LRP12: variants seen among roughly 807,000 people sequenced by gnomAD.
The protein encoded by LRP12 is low-density lipoprotein receptor-related protein 12.
Under a neutral mutation model 66.0 loss-of-function variants are expected in LRP12, and 14 were observed. The ratio of observed to expected loss-of-function variants is 0.21; its 90% CI spans 0.14 to 0.33. LRP12 has a LOEUF of 0.33. Ranked by LOEUF, LRP12 falls within the 10% of genes least tolerant of loss-of-function variation. The pLI is 1.00. For missense variants in LRP12, 889 were observed against 1,053.4 expected, an observed-to-expected ratio of 0.84 and a Z score of 2.16; for synonymous variants, 357 against 359.1, an observed-to-expected ratio of 0.99 and a Z score of 0.07.
At chr8:104,548,859 G>T (rs541120150) in intron 1 of LRP12, among the ~76,000 whole-genome samples, 3 of 151,462 alleles carry the variant, frequency 2.0e-5, no homozygotes, top group African/African-American at 4.9e-5. Flanking sequence ...CAAGAGAATC[G>T]CTTGAATTCA....
intron 1 of LRP12, among the ~76,000 whole-genome samples, chr8:104,548,323 A>T (rs187862725): frequency 1.2e-4 from 2 of 16,648 alleles, no homozygotes; most frequent in African/African-American, 4.6e-4. Flanking sequence ...ATAAATATAT[A>T]ATATATATTA....
rs140650766 is a variant in LRP12, at chr8:104,497,263, G to C, written c.1289C>G (p.Ser430Cys). 62 of 1,614,024 alleles carry C rather than the reference G, an allele frequency of 3.8e-5. No homozygotes were observed. Among genetic ancestry groups the C allele is most frequent in the Non-Finnish European group, 5.2e-5 (61 of 1,180,044 alleles). ...ATGATTCTGGTAGTTGCAGCGATCA[G>C]AACGAGGATAACAGACACCATTTCG... ...CSRNGVCYPR[S>C]DRCNYQNHCP... Residue 430 changes from serine to cysteine, a missense_variant, in exon 5 of 7, where the codon TCT (serine) becomes TGT (cysteine). Physicochemically the swap from Ser to Cys is moderately radical, Grantham distance 112 (BLOSUM62 -1). Transcript: ENST00000276654. The surrounding 1 kb of genome is among the most constrained non-coding windows in gnomAD (Gnocchi z 4.3).
intron 1 of LRP12, among the ~76,000 whole-genome samples, chr8:104,571,120 G>T (rs180865460): frequency 2.0e-5 from 3 of 152,312 alleles, no homozygotes; most frequent in African/African-American, 7.2e-5. Flanking sequence ...TAGTCAGAAT[G>T]CAAACTGATA....
intron 1 of LRP12, among the ~76,000 whole-genome samples, chr8:104,557,529 TAA>T (rs530034124): frequency 1.5e-5 from 2 of 134,316 alleles, no homozygotes; most frequent in Non-Finnish European, 3.3e-5. Context: ...TTGCAATAGC[TAA>T]AAAAAAAAAA....
At chr8:104,537,102 A>G (rs369841095) in intron 1 of LRP12, among the ~76,000 whole-genome samples, 75 of 150,942 alleles carry the variant, frequency 5.0e-4, no homozygotes, top group African/African-American at 1.7e-3. Flanking sequence ...GCAACAGGCA[A>G]TGTAAGACTG....
chr8:104,491,589 A>G (rs1219339732), intron 6 of LRP12, 50 bp from the exon 7 acceptor site: 1 of 1,037,798 alleles, frequency 9.6e-7, no homozygotes, highest in Non-Finnish European at 1.3e-6. Flanking sequence ...AGGTACTAAG[A>G]TAAAAAAAAA....
chr8:104,565,434 A>G (rs1811982561), intron 1 of LRP12, among the ~76,000 whole-genome samples: 1 of 152,240 alleles, frequency 6.6e-6, no homozygotes, highest in Admixed American at 6.5e-5. Context: ...TAAAAGTTAC[A>G]AAAGGATAAA....
intron 2 of LRP12, among the ~76,000 whole-genome samples, 196 bp from the exon 3 acceptor site, chr8:104,509,270 T>C (rs1810957788): frequency 6.6e-6 from 1 of 152,256 alleles, no homozygotes; most frequent in South Asian, 2.1e-4. Context: ...AAGTCCCTTA[T>C]TCCAATAAAA....
At chr8:104,577,703 C>T (rs893580734) in intron 1 of LRP12, among the ~76,000 whole-genome samples, 22 of 147,020 alleles carry the variant, frequency 1.5e-4, no homozygotes, top group African/African-American at 4.0e-4. Context: ...CTCAGCTACT[C>T]GGGAGGGGGA....
rs770159236 is a variant in LRP12, at chr8:104,490,868, A to C, written c.2385T>G (p.Leu795=). ...DFDVNDCSRP[L]LDLASDQGQG... ...GTCCTTGATCTGAGGCAAGATCAAG[A>C]AGAGGTCTGGAGCAGTCATTCACAT... is the stretch of plus-strand genomic sequence containing the variant. Residue 795 remains leucine, a synonymous_variant, in exon 7 of 7, where the codon CTT becomes CTG. Transcript: ENST00000276654. The C allele has an allele frequency of 2.5e-6, 4 of 1,613,970 alleles. No individual in the cohort carries two copies. In the African/African-American group the frequency reaches 4.0e-5, roughly 16 times the overall value.
intron 2 of LRP12, among the ~76,000 whole-genome samples, chr8:104,524,208 C>T (rs1471450464): frequency 7.1e-6 from 1 of 140,724 alleles, no homozygotes; most frequent in Non-Finnish European, 1.5e-5. Flanking sequence ...TGCCGCTGCA[C>T]TCCAGCCTGG....
At chr8:104,521,584 A>T (rs962681882) in intron 2 of LRP12, among the ~76,000 whole-genome samples, 1 of 151,370 alleles carries the variant, frequency 6.6e-6, no homozygotes, top group Non-Finnish European at 1.5e-5. Context: ...TGACTTTAAA[A>T]ATTATTAGCA....
chr8:104,574,043 T>C (rs1812122877), intron 1 of LRP12, among the ~76,000 whole-genome samples: 1 of 152,172 alleles, frequency 6.6e-6, no homozygotes, highest in Non-Finnish European at 1.5e-5. Flanking sequence ...TATAGATAGA[T>C]GAATTCATTT....
rs752475923 is a variant in LRP12 at position 104,559,051 on chromosome 8, ATTAC to A, written c.80-27092_80-27089del. ...AAGCACTATGGAAAACTGTGTGGAGATTACTTAAAGAACTACAAGTAGATCTACC... is the reference window on the plus strand; with the variant it reads ...AAGCACTATGGAAAACTGTGTGGAGATTAAAGAACTACAAGTAGATCTACC... On this transcript the variant is annotated intron_variant, in intron 1 of 6. Coordinates refer to ENST00000276654, the MANE Select transcript of LRP12 (RefSeq NM_013437.5). Among the ~76,000 whole-genome samples the A allele has an allele frequency of 8.7e-4, 132 of 152,292 alleles. 1 individual carries two copies. Among genetic ancestry groups the A allele is most frequent in the Non-Finnish European group, 1.3e-3 (89 of 68,012 alleles).
chr8:104,545,990 C>T (rs1013325807), intron 1 of LRP12, among the ~76,000 whole-genome samples: 1 of 152,054 alleles, frequency 6.6e-6, no homozygotes, highest in Non-Finnish European at 1.5e-5. Flanking sequence ...GCACAGTACC[C>T]AAATTGATAA....
rs554164298 is a variant in LRP12, at chr8:104,514,675, C to CA, written c.137-5602dup. On this transcript the variant is annotated intron_variant, in intron 2 of 6. Transcript: ENST00000276654. ...TGGGCAACAGAGCAAGACTTTGTCT[C>CA]AAAAAAAATGACAGAAAAAACAACA... 5.3e-5 allele frequency among the ~76,000 whole-genome samples: 8 copies of CA among 151,096 alleles called. No homozygotes were observed. In the East Asian group the frequency reaches 7.8e-4, roughly 15 times the overall value.
intron 1 of LRP12, among the ~76,000 whole-genome samples, chr8:104,577,709 G>A (rs894157319): frequency 4.0e-5 from 6 of 151,822 alleles, no homozygotes; most frequent in African/African-American, 1.5e-4. Flanking sequence ...TACTCGGGAG[G>A]GGGAGGCAGG....
chr8:104,528,610 A>G (rs933815580), intron 2 of LRP12, among the ~76,000 whole-genome samples: 3 of 152,064 alleles, frequency 2.0e-5, no homozygotes, highest in African/African-American at 7.2e-5. Flanking sequence ...CCACGTCTCT[A>G]TTAAAAATAC....
At chr8:104,537,027 G>A (rs559633511) in intron 1 of LRP12, among the ~76,000 whole-genome samples, 1 of 151,654 alleles carries the variant, frequency 6.6e-6, no homozygotes, top group African/African-American at 2.4e-5. Flanking sequence ...CAACAGATCA[G>A]CAATTCTGCT....
Sources: allele counts gnomAD v4.1 joint callset (sites outside exome capture counted in the v4.1 genomes callset), GRCh38; gene constraint gnomAD v4.1.1; non-coding constraint Gnocchi (gnomAD v3.1); transcripts MANE v1.5; gene names NCBI Gene and HGNC (gene_info 2026-07-23, HGNC 2026-07-21).